Variants in TENM2 observed in about 807,000 individuals in gnomAD.
TENM2 encodes teneurin-2.
A neutral mutation model predicts 245.2 loss-of-function variants in TENM2; 52 were observed. That is an observed-to-expected ratio of 0.21 (90% CI 0.17 to 0.27). The LOEUF is 0.27. Ranked by LOEUF, TENM2 falls within the 10% of genes least tolerant of loss-of-function variation. The pLI, the probability that TENM2 is intolerant of heterozygous loss-of-function variation, is 1.00. For missense variants in TENM2, 3,046 were observed against 3,666.8 expected, an observed-to-expected ratio of 0.83 and a Z score of 4.37; for synonymous variants, 1,363 against 1,438.9, an observed-to-expected ratio of 0.95 and a Z score of 1.19.
At chr5:167,799,354 C>T (rs1156682859) in intron 2 of TENM2, among the ~76,000 whole-genome samples, 2 of 152,220 alleles carry the variant, frequency 1.3e-5, no homozygotes, top group East Asian at 1.9e-4. Flanking sequence ...TCAGGGAGAA[C>T]ATCTCTGGTT....
intron 2 of TENM2, among the ~76,000 whole-genome samples, chr5:167,445,332 TATATAGAG>T (rs1403872964): frequency 2.6e-5 from 2 of 77,060 alleles, no homozygotes; most frequent in East Asian, 7.7e-4. Flanking sequence ...TATATATATA[TATATAGAG>T]AGAGAGAGAG....
intron 2 of TENM2, among the ~76,000 whole-genome samples, chr5:167,751,934 G>A (rs975342659): frequency 3.3e-5 from 5 of 149,900 alleles, no homozygotes; most frequent in East Asian, 2.0e-4. Flanking sequence ...TTGAGGACGC[G>A]TAGTTTCTGT....
chr5:168,195,551 CGTGTGTGTGT>C (rs35040257), intron 15 of TENM2, among the ~76,000 whole-genome samples: 6,778 of 98,064 alleles, frequency 0.069, 239 homozygotes, highest in Non-Finnish European at 0.077. Context: ...GGTCAATGCA[CGTGTGTGTGT>C]GTGTGTGTGT....
intron 2 of TENM2, among the ~76,000 whole-genome samples, chr5:167,685,904 A>G (rs1027043822): frequency 6.6e-6 from 1 of 152,224 alleles, no homozygotes; most frequent in African/African-American, 2.4e-5. Flanking sequence ...TTGTAGAAGC[A>G]GGTAGTTATC....
At chr5:167,016,023 G>C in the TENM2 span, among the ~76,000 whole-genome samples, 1 of 152,060 alleles carries the variant, frequency 6.6e-6, no homozygotes, top group Admixed American at 6.5e-5. Flanking sequence ...GGGAGGCCAA[G>C]GCGGGCGGAT....
chr5:167,125,705 G>A, the TENM2 span, among the ~76,000 whole-genome samples: 11 of 152,206 alleles, frequency 7.2e-5, no homozygotes, highest in African/African-American at 1.9e-4. Context: ...GTAATCGTCC[G>A]TATGCAGCTT....
chr5:167,506,500 A>G (rs983596614), intron 2 of TENM2, among the ~76,000 whole-genome samples: 2 of 152,190 alleles, frequency 1.3e-5, no homozygotes, highest in African/African-American at 4.8e-5. Context: ...ATAATTTGGT[A>G]TCTTATCTTG....
chr5:167,832,091 C>A (rs140061786), intron 2 of TENM2, among the ~76,000 whole-genome samples: 69 of 152,160 alleles, frequency 4.5e-4, no homozygotes, highest in Non-Finnish European at 8.4e-4. Flanking sequence ...CTGAAACGAC[C>A]AAATCCAATA....
At chr5:167,285,392 T>C (rs1257185528) in intron 1 of TENM2, among the ~76,000 whole-genome samples, 2 of 152,218 alleles carry the variant, frequency 1.3e-5, no homozygotes, top group Non-Finnish European at 2.9e-5. Flanking sequence ...TAGTGTATAA[T>C]AATACGCCCT....
intron 9 of TENM2, among the ~76,000 whole-genome samples, chr5:168,117,241 G>T (rs545711611): frequency 6.1e-4 from 93 of 152,300 alleles, no homozygotes; most frequent in Admixed American, 1.4e-3. Context: ...CGAACTACTA[G>T]AAATTTCATG....
chr5:168,214,781 G>A (rs978818304), intron 20 of TENM2: 11 of 566,942 alleles, frequency 1.9e-5, no homozygotes, highest in Admixed American at 4.4e-5. Flanking sequence ...CTCTCGTACT[G>A]GCTAAATGAA....
upstream of TENM2, among the ~76,000 whole-genome samples, chr5:167,283,071 T>A (rs1234079792): frequency 6.6e-6 from 1 of 151,522 alleles, no homozygotes; most frequent in Non-Finnish European, 1.5e-5. Context: ...TGAGATGGAG[T>A]TTCACACTTG....
At chr5:168,262,905 C>T (rs970132761) in exon 29 of TENM2, 25 of 1,246,112 alleles carry the variant, frequency 2.0e-5, no homozygotes, top group Middle Eastern at 2.0e-4. Context: ...AGGGGCACTG[C>T]GGCTGGGCTG....
chr5:168,178,069 C>T (rs1759511768), intron 13 of TENM2, among the ~76,000 whole-genome samples: 1 of 152,164 alleles, frequency 6.6e-6, no homozygotes, highest in Admixed American at 6.5e-5. Context: ...TCATGCGCCC[C>T]TACTAATCCT....
chr5:168,172,792 T>C (rs1310915190), intron 13 of TENM2, among the ~76,000 whole-genome samples: 2 of 152,156 alleles, frequency 1.3e-5, no homozygotes, highest in Non-Finnish European at 2.9e-5. Context: ...AGGGGAGAGT[T>C]GAGCAGCTGG....
chr5:167,384,064 C>G (rs573861784), intron 2 of TENM2, among the ~76,000 whole-genome samples: 1 of 151,990 alleles, frequency 6.6e-6, no homozygotes, highest in Non-Finnish European at 1.5e-5. Context: ...TGGTAATGAC[C>G]GTATGTGCTA....
intron 2 of TENM2, among the ~76,000 whole-genome samples, chr5:167,708,808 T>C (rs537151653): frequency 6.6e-6 from 1 of 152,304 alleles, no homozygotes; most frequent in African/African-American, 2.4e-5. Flanking sequence ...ACTAATACTA[T>C]ATATGTTAAA....
intron 8 of TENM2, among the ~76,000 whole-genome samples, chr5:168,092,577 TC>T (rs1793036303): frequency 1.3e-5 from 2 of 152,134 alleles, no homozygotes; most frequent in African/African-American, 4.8e-5. Flanking sequence ...GGAGAAGCGT[TC>T]CACAGAGGGA....
chr5:167,679,310 T>C (rs1355296073), intron 2 of TENM2, among the ~76,000 whole-genome samples: 1 of 152,152 alleles, frequency 6.6e-6, no homozygotes, highest in Non-Finnish European at 1.5e-5. Flanking sequence ...ATTCATATGG[T>C]AAAATTCAAA....
Sources: gnomAD v4.1 joint callset for allele counts (sites outside exome capture counted in the v4.1 genomes callset) on GRCh38, gnomAD v4.1.1 for gene constraint, MANE v1.5 for transcripts, NCBI Gene and HGNC (gene_info 2026-07-23, HGNC 2026-07-21) for gene names.